Variants in FURIN observed in about 807,000 individuals in gnomAD.
The protein encoded by FURIN is furin, paired basic amino acid cleaving enzyme.
In FURIN, 18 loss-of-function variants were observed where a neutral mutation model predicts 89.2. The observed-to-expected ratio is 0.20, with a 90% confidence interval of 0.14 to 0.30. FURIN has a LOEUF of 0.30. FURIN is among the 10% of genes least tolerant of loss of function. The pLI is 1.00. For synonymous variants in FURIN, 508 were observed against 466.4 expected, an observed-to-expected ratio of 1.09 and a Z score of -1.15; for missense variants, 879 against 1,100.5, an observed-to-expected ratio of 0.80 and a Z score of 2.85.
intron 13 of FURIN, 84 bp from the exon 14 acceptor site, chr15:90,880,605 GGT>G: frequency 6.9e-7 from 1 of 1,445,434 alleles, no homozygotes; most frequent in Non-Finnish European, 9.4e-7. Context: ...GTGGGGGAAG[GGT>G]GTGTGGCCCA....
Position 90,880,595 on chromosome 15 carries a change from G to A in FURIN, c.1557-96G>A, listed in dbSNP as rs75493298. 35 of 1,385,606 alleles carry A rather than the reference G, an allele frequency of 2.5e-5. No individual in the cohort carries two copies. In the East Asian group the frequency reaches 3.0e-4, roughly 12 times the overall value. 85.8% of individuals were successfully genotyped at this position (1,385,606 alleles called of 1,614,324 possible). Reference sequence around the variant, plus strand: ...TTCTGGCCCCATGGGGTTGGTCTGCGTGGGGGAAGGGTGTGTGGCCCATGT... The same window carrying A: ...TTCTGGCCCCATGGGGTTGGTCTGCATGGGGGAAGGGTGTGTGGCCCATGT... On this transcript the variant is annotated intron_variant, in intron 13 of 15. Transcript: ENST00000268171.
chr15:90,880,148 G>A lies in FURIN; in HGVS notation c.1431G>A (p.Glu477=). The A allele has an allele frequency of 6.2e-7, 1 of 1,612,410 alleles. No homozygotes were observed. The highest frequency in any genetic ancestry group is 8.5e-7 in the Non-Finnish European group (1 of 1,179,510). The change falls in exon 13 of 16, where the codon GAG becomes GAA. Residue 477 remains glutamate (E), a synonymous_variant. Transcript: ENST00000268171. ...AGACCGTGACCGCGTGCCTGGGCGAGCCCAACCACATCACTCGGCTGGAGC... is the reference window on the plus strand; with the variant it reads ...AGACCGTGACCGCGTGCCTGGGCGAACCCAACCACATCACTCGGCTGGAGC... ...VRKTVTACLG[E]PNHITRLEHA...
intron 7 of FURIN, 133 bp downstream of exon 7, chr15:90,877,748 G>T: frequency 1.5e-6 from 1 of 665,908 alleles, no homozygotes; most frequent in Non-Finnish European, 2.5e-6. Context: ...TTCCATGGAG[G>T]GTTCCCAAAG....
rs945209586 is a variant in FURIN at position 90,881,996 on chromosome 15, A to C, written c.*118A>C. The C allele has an allele frequency of 2.6e-6, 2 of 758,898 alleles. No individual in the cohort carries two copies. Among genetic ancestry groups the C allele is most frequent in the Non-Finnish European group, 4.3e-6 (2 of 463,246 alleles). The allele number at this position is 758,898 out of a possible 1,614,324, so 47.0% of individuals were successfully genotyped here. On this transcript the variant is annotated 3_prime_UTR_variant, in exon 16 of 16. Transcript: ENST00000268171. The surrounding 1 kb of genome is among the most constrained non-coding windows in gnomAD (Gnocchi z 4.3). ...CCCAGCTGGGAGGCAAGAGGGGTGG[A>C]GACTGCTTCCCATCCTACCCTCGGG...
chr15:90,877,697 C>A, intron 7 of FURIN, 82 bp downstream of exon 7: 3 of 952,622 alleles, frequency 3.1e-6, no homozygotes, highest in Non-Finnish European at 3.2e-6. Flanking sequence ...CTGGCCAATG[C>A]CTGCCACTTT....
chr15:90,879,659 CCTTCT>C lies in FURIN; in HGVS notation c.1155-11_1155-7del, dbSNP rs1328123549. On this transcript the variant is annotated splice_region_variant and splice_polypyrimidine_tract_variant and intron_variant, in intron 10 of 15. Transcript: ENST00000268171. ...AAGACTGATCCCCAGCCTCTCCCTT[CCTTCT>C]TTGCAGTAAGAACCTCACATGGCGG... 2 of 1,609,232 alleles carry C rather than the reference CCTTCT, an allele frequency of 1.2e-6. No individual in the cohort carries two copies. Among genetic ancestry groups the C allele is most frequent in the African/African-American group, 2.7e-5 (2 of 74,802 alleles).
intron 1 of FURIN, among the ~76,000 whole-genome samples, chr15:90,871,912 C>T (rs1169360047): frequency 6.6e-6 from 1 of 151,372 alleles, no homozygotes; most frequent in African/African-American, 2.4e-5. Flanking sequence ...TCTCGGCCCC[C>T]CGGCCGTGGC....
rs760868931 is a variant in FURIN at position 90,876,521 on chromosome 15, G to T, written c.336G>T (p.Glu112Asp). Residue 112 changes from glutamate to aspartate, a missense_variant, in exon 4 of 16, where the codon GAG becomes GAT. Glu to Asp is a conservative substitution (Grantham distance 45). Around this residue, in one of 5 missense-constraint regions of FURIN, gnomAD observed 139 missense variants for 215.0 expected, o/e 0.65. Transcript: ENST00000268171. This position sits in a 1 kb window ranked among gnomAD's most constrained non-coding sequence, Gnocchi z 5.0. ...KRRTKRDVYQ[E>D]PTDPKFPQQW... ...GGACTAAACGGGACGTGTACCAGGA[G>T]CCCACAGACCCCAAGTTTCCTCAGC... The T allele has an allele frequency of 6.2e-6, 10 of 1,613,794 alleles. No homozygotes were observed. Among genetic ancestry groups the T allele is most frequent in the Non-Finnish European group, 8.5e-6 (10 of 1,179,796 alleles).
At chr15:90,877,058 G>C (rs371973924) in intron 5 of FURIN, 34 bp downstream of exon 5, 2 of 1,613,596 alleles carry the variant, frequency 1.2e-6, no homozygotes, top group Non-Finnish European at 1.7e-6. Flanking sequence ...CGTGATCCCT[G>C]CTGAGGTGTG....
Position 90,875,650 on chromosome 15 carries a change from C to T in FURIN, c.-91C>T. The T allele has an allele frequency of 3.3e-6, 4 of 1,215,986 alleles. No homozygotes were observed. Among genetic ancestry groups the T allele is most frequent in the South Asian group, 1.6e-5 (1 of 64,422 alleles). 75.3% of individuals were successfully genotyped at this position (1,215,986 alleles called of 1,614,324 possible). A position where few individuals can be genotyped will look rare whatever the true frequency, so the allele number is the denominator to read the frequency against. The stretch of plus-strand genomic sequence containing the variant: ...CATGCCCCCACCAGTCAGCCCCGGG[C>T]CACAGGCAGTGAGCAGGCACCTGGG... On this transcript the variant is annotated 5_prime_UTR_variant, in exon 2 of 16. Transcript: ENST00000268171.
chr15:90,869,393 C>G (rs1296591736), intron 1 of FURIN, among the ~76,000 whole-genome samples: 3 of 152,178 alleles, frequency 2.0e-5, no homozygotes, highest in Non-Finnish European at 4.4e-5. Context: ...CAGAAGTCAC[C>G]AGTTGTGGTC....
Position 90,876,296 on chromosome 15 carries a change from G to A in FURIN, c.219G>A (p.Thr73=), listed in dbSNP as rs745939564. Residue 73 remains threonine, a synonymous_variant, in exon 3 of 16, where the codon ACG becomes ACA. Transcript: ENST00000268171. The surrounding 1 kb of genome is among the most constrained non-coding windows in gnomAD (Gnocchi z 5.0). ...ACCACTTCTGGCATCGAGGAGTGAC[G>A]AAGCGGTCCCTGTCGCCTCACCGCC... is the stretch of plus-strand genomic sequence containing the variant. ...DYYHFWHRGV[T]KRSLSPHRPR... 12 of 1,612,802 alleles carry A rather than the reference G, an allele frequency of 7.4e-6. No homozygotes were observed. The South Asian group carries it at 7.7e-5, about 10-fold the overall frequency.
intron 7 of FURIN, 139 bp downstream of exon 7, chr15:90,877,754 C>T (rs776636346): frequency 2.4e-5 from 16 of 653,300 alleles, no homozygotes; most frequent in Non-Finnish European, 3.4e-5. Flanking sequence ...GGAGGGTTCC[C>T]AAAGGGTCAA....
rs541697573 is a variant in FURIN, at chr15:90,879,014, G to A, written c.1053+38G>A. The A allele has an allele frequency of 1.9e-5, 25 of 1,317,226 alleles. 1 individual carries two copies. In the South Asian group the frequency reaches 3.1e-4, roughly 16 times the overall value. 81.6% of individuals were successfully genotyped at this position (1,317,226 alleles called of 1,614,324 possible). On this transcript the variant is annotated intron_variant, in intron 9 of 15. Transcript: ENST00000268171. ...TGGGGGTGGGGGCTGGGGAGATGGG[G>A]CTGCTGGCTGGCTCTGTCCAGCACC...
At chr15:90,870,243 T>G (rs1419352778) in intron 1 of FURIN, among the ~76,000 whole-genome samples, 3 of 152,214 alleles carry the variant, frequency 2.0e-5, no homozygotes, top group Non-Finnish European at 4.4e-5. Context: ...CCCCAGGGAT[T>G]TGAACCGGTT....
chr15:90,876,420 C>G lies in FURIN; in HGVS notation c.277-42C>G, dbSNP rs2031631103. On this transcript the variant is annotated intron_variant, in intron 3 of 15. Coordinates refer to ENST00000268171, the MANE Select transcript of FURIN (RefSeq NM_002569.4). The surrounding 1 kb of genome is among the most constrained non-coding windows in gnomAD (Gnocchi z 5.0). Reference sequence around the variant, plus strand: ...TCCTGCTCTCAGGAGCCCCTCTCGCCTCCTGCTCCACCCACACCATCTCTC... The same window carrying G: ...TCCTGCTCTCAGGAGCCCCTCTCGCGTCCTGCTCCACCCACACCATCTCTC... 1.3e-6 allele frequency: 2 copies of G among 1,556,766 alleles called. No individual in the cohort carries two copies. The highest frequency in any genetic ancestry group is 2.7e-5 in the African/African-American group (2 of 73,878).
chr15:90,877,594 G>T lies in FURIN; in HGVS notation c.646G>T (p.Ala216Ser), dbSNP rs759531667. Residue 216 changes from alanine (A) to serine (S), a missense_variant, in exon 7 of 16, where the codon GCC (alanine) becomes TCC (serine). This residue lies in a region of FURIN where 139 missense variants were observed against 215.0 expected (regional missense o/e 0.65). Coordinates refer to ENST00000268171, the MANE Select transcript of FURIN (RefSeq NM_002569.4). ...ANNGVCGVGV[A>S]YNARIGGVRM... Reference sequence around the variant, plus strand: ...CAACGGTGTCTGTGGTGTAGGTGTGGCCTACAACGCCCGCATTGGAGGTGA... The same window carrying T: ...CAACGGTGTCTGTGGTGTAGGTGTGTCCTACAACGCCCGCATTGGAGGTGA... 8.3e-6 allele frequency: 13 copies of T among 1,571,298 alleles called. No homozygotes were observed. The highest frequency in any genetic ancestry group is 3.5e-5 in the South Asian group (3 of 85,366).
In FURIN at chr15:90,877,216, G is replaced by A. The variant is rs771124289; in HGVS notation, c.578+5G>A. ...CACACAGATGAATGACAACAGGTAA[G>A]AAGTGGCAGGCCCCGGTCTCTGCCT... On this transcript the variant is annotated splice_donor_5th_base_variant and intron_variant, in intron 6 of 15. Coordinates refer to ENST00000268171, the MANE Select transcript of FURIN (RefSeq NM_002569.4). 6 of 1,598,922 alleles carry A rather than the reference G, an allele frequency of 3.8e-6. No individual in the cohort carries two copies. The highest frequency in any genetic ancestry group is 4.3e-6 in the Non-Finnish European group (5 of 1,171,390).
chr15:90,876,555 C>T lies in FURIN; in HGVS notation c.370C>T (p.Leu124=), dbSNP rs779097940. 1 of 1,603,488 alleles carries T rather than the reference C, an allele frequency of 6.2e-7. No homozygotes were observed. The highest frequency in any genetic ancestry group is 8.5e-7 in the Non-Finnish European group (1 of 1,170,380). ...CCCCAAGTTTCCTCAGCAGTGGTAC[C>T]TGGTACGTGGCCTTCTTCGCTGCTG... ...TDPKFPQQWY[L]SGVTQRDLNV... The change falls in exon 4 of 16, where the codon CTG becomes TTG. Residue 124 remains leucine, a splice_region_variant and synonymous_variant. Coordinates refer to ENST00000268171, the MANE Select transcript of FURIN (RefSeq NM_002569.4). This position sits in a 1 kb window ranked among gnomAD's most constrained non-coding sequence, Gnocchi z 5.0.
Sources: gnomAD v4.1 joint callset for allele counts (sites outside exome capture counted in the v4.1 genomes callset) on GRCh38, gnomAD v4.1.1 for gene constraint, gnomAD v4.1.1 regional missense constraint, Gnocchi (gnomAD v3.1) non-coding constraint, MANE v1.5 for transcripts, NCBI Gene and HGNC (gene_info 2026-07-23, HGNC 2026-07-21) for gene names.